SOX5: variants seen among roughly 807,000 people sequenced by gnomAD.
The protein encoded by SOX5 is transcription factor SOX-5.
A neutral mutation model predicts 92.0 loss-of-function variants in SOX5; 9 were observed. The ratio of observed to expected loss-of-function variants is 0.10; its 90% CI spans 0.06 to 0.17. The LOEUF (loss-of-function observed/expected upper bound fraction) is 0.17. SOX5 is among the 10% of genes least tolerant of loss of function. The pLI is 1.00. For synonymous variants in SOX5, 344 were observed against 336.3 expected (o/e 1.02, Z -0.25); for missense variants, 642 against 944.5 (o/e 0.68, Z 4.20).
In SOX5 at chr12:24,362,821, A is replaced by G. The variant is rs552937251; in HGVS notation, c.-174+5742T>C. Among the ~76,000 whole-genome samples the G allele has an allele frequency of 9.3e-5, 14 of 150,872 alleles. No homozygotes were observed. The South Asian group carries it at 2.5e-3, about 27-fold the overall frequency. ...TTCAGGGATTTTTCTCTCAAATTCTATAGGATCTCAGAAAGAAAATCACAG... is the reference window on the plus strand; with the variant it reads ...TTCAGGGATTTTTCTCTCAAATTCTGTAGGATCTCAGAAAGAAAATCACAG... On this transcript the variant is annotated intron_variant, in intron 2 of 4. Transcript: ENST00000446891.
At chr12:23,792,647 A>AC (rs2095495884) in intron 3 of SOX5, among the ~76,000 whole-genome samples, 2 of 134,482 alleles carry the variant, frequency 1.5e-5, no homozygotes, top group Admixed American at 7.2e-5. Flanking sequence ...AAAAAAAAAA[A>AC]AAAAAAAAAA....
chr12:24,204,308 C>T (rs1957810973), intron 4 of SOX5, among the ~76,000 whole-genome samples: 1 of 148,338 alleles, frequency 6.7e-6, no homozygotes, highest in Non-Finnish European at 1.5e-5. Flanking sequence ...TTTATTTTTC[C>T]ATTATTATTA....
At chr12:24,493,901 A>G (rs529204439) in intron 1 of SOX5, among the ~76,000 whole-genome samples, 17 of 152,250 alleles carry the variant, frequency 1.1e-4, no homozygotes, top group African/African-American at 3.9e-4. Flanking sequence ...AAAAGTCAGT[A>G]TAGTGTTTAT....
intron 2 of SOX5, among the ~76,000 whole-genome samples, chr12:23,870,304 G>A (rs1311860028): frequency 2.6e-5 from 4 of 152,078 alleles, no homozygotes; most frequent in African/African-American, 9.7e-5. Context: ...ACACAGTATT[G>A]AGAAACCATC....
Position 24,313,180 on chromosome 12 carries a change from T to C in SOX5, c.-173-35868A>G, listed in dbSNP as rs187743984. On this transcript the variant is annotated intron_variant, in intron 2 of 4. Coordinates refer to the SOX5 transcript ENST00000446891. ...AGGGTCCCAGATCCTCTAACAAACCTCTACTTAAATGATCTAGCTCAAATA... is the reference window on the plus strand; with the variant it reads ...AGGGTCCCAGATCCTCTAACAAACCCCTACTTAAATGATCTAGCTCAAATA... 7.1e-4 allele frequency among the ~76,000 whole-genome samples: 108 copies of C among 152,256 alleles called. 2 individuals are homozygous for C. The highest frequency in any genetic ancestry group is 2.4e-3 in the African/African-American group (99 of 41,552).
chr12:24,037,690 T>C (rs1956177596), intron 4 of SOX5, among the ~76,000 whole-genome samples: 1 of 152,188 alleles, frequency 6.6e-6, no homozygotes, highest in African/African-American at 2.4e-5. Flanking sequence ...AAGTTAAATA[T>C]AAAATTTTAG....
At chr12:23,874,503 G>C (rs2096906666) in intron 2 of SOX5, among the ~76,000 whole-genome samples, 2 of 152,056 alleles carry the variant, frequency 1.3e-5, no homozygotes, top group Non-Finnish European at 2.9e-5. Flanking sequence ...AAAGGAAAGG[G>C]GAGAGAAAAT....
At chr12:23,854,658 C>T (rs1024746568) in intron 2 of SOX5, among the ~76,000 whole-genome samples, 1 of 152,040 alleles carries the variant, frequency 6.6e-6, no homozygotes, top group Non-Finnish European at 1.5e-5. Context: ...GTTTTGAACA[C>T]TAACTTGCAG....
chr12:23,939,351 G>T (rs1943190150), intron 1 of SOX5, among the ~76,000 whole-genome samples: 4 of 150,806 alleles, frequency 2.7e-5, no homozygotes, highest in Admixed American at 2.6e-4. Flanking sequence ...ATGTAGTGCT[G>T]GTTCAGTGAG....
chr12:24,183,122 A>G (rs1408033605), intron 4 of SOX5, among the ~76,000 whole-genome samples: 1 of 152,220 alleles, frequency 6.6e-6, no homozygotes, highest in East Asian at 1.9e-4. Context: ...TTCTAGTACC[A>G]AATACAAGAC....
intron 1 of SOX5, among the ~76,000 whole-genome samples, chr12:24,512,423 C>T (rs536092378): frequency 2.0e-5 from 3 of 152,356 alleles, no homozygotes; most frequent in Admixed American, 2.0e-4. Context: ...ACAACTGCCT[C>T]TTATTTTATT....
At chr12:24,030,217 T>C (rs1047899597) in intron 4 of SOX5, among the ~76,000 whole-genome samples, 1 of 151,842 alleles carries the variant, frequency 6.6e-6, no homozygotes, top group Non-Finnish European at 1.5e-5. Context: ...AAAAATACTC[T>C]CCTCTAACCT....
chr12:23,765,018 G>A (rs997853729), intron 3 of SOX5, among the ~76,000 whole-genome samples: 1 of 151,986 alleles, frequency 6.6e-6, no homozygotes, highest in African/African-American at 2.4e-5. Context: ...TCGACTAGTT[G>A]AGCTGAAAAG....
At chr12:23,540,166 T>G (rs1354935620) in intron 13 of SOX5, among the ~76,000 whole-genome samples, 2 of 151,560 alleles carry the variant, frequency 1.3e-5, no homozygotes, top group African/African-American at 2.4e-5. Context: ...TGGACTGATG[T>G]ACAGGGAGTT....
At position 24,007,800 on chromosome 12, in the gene SOX5, C is replaced by T. The variant is rs1257058921; in HGVS notation, c.-1-111776G>A. On this transcript the variant is annotated intron_variant, in intron 4 of 4. Coordinates refer to the SOX5 transcript ENST00000446891. ...ATATATACACATACGCACGCACACA[C>T]ACACACACACACACACACACACATA... Among the ~76,000 whole-genome samples, 3 of 10,512 alleles carry T rather than the reference C, an allele frequency of 2.9e-4. 1 individual carries two copies. Among genetic ancestry groups the T allele is most frequent in the African/African-American group, 3.7e-4 (3 of 8,036 alleles). The allele number at this position is 10,512 out of a possible 152,430, so 6.9% of individuals were successfully genotyped here.
chr12:24,310,083 G>A (rs754938414), intron 2 of SOX5, among the ~76,000 whole-genome samples: 16 of 152,076 alleles, frequency 1.1e-4, no homozygotes, highest in Non-Finnish European at 1.6e-4. Context: ...TCATATCTGC[G>A]TGAGGATGTT....
intron 4 of SOX5, among the ~76,000 whole-genome samples, chr12:23,984,054 TCTC>T (rs1461557950): frequency 1.3e-5 from 2 of 152,112 alleles, no homozygotes; most frequent in African/African-American, 4.8e-5. Flanking sequence ...AAGGCCAACC[TCTC>T]CTCCTTTGAT....
chr12:23,995,970 A>T (rs1950994637), intron 4 of SOX5, among the ~76,000 whole-genome samples: 1 of 152,222 alleles, frequency 6.6e-6, no homozygotes, highest in African/African-American at 2.4e-5. Context: ...ATTATGGAAT[A>T]TAAGCCTATG....
chr12:23,530,393 G>A lies in SOX5; in HGVS notation c.*3826C>T, dbSNP rs1051165398. 2.0e-5 allele frequency: 3 copies of A among 152,164 alleles called. No homozygotes were observed. The highest frequency in any genetic ancestry group is 4.4e-5 in the Non-Finnish European group (3 of 68,030). The allele number at this position is 152,164 out of a possible 1,614,324, so 9.4% of individuals were successfully genotyped here. ...CCAAAAAATGGTTAATTTTCTTTAAGTGAATTAAGGTAAAATTCTACTCCG... is the reference window on the plus strand; with the variant it reads ...CCAAAAAATGGTTAATTTTCTTTAAATGAATTAAGGTAAAATTCTACTCCG... On this transcript the variant is annotated 3_prime_UTR_variant, in exon 15 of 15. Transcript: ENST00000451604.
Sources: gnomAD v4.1 joint callset for allele counts (sites outside exome capture counted in the v4.1 genomes callset) on GRCh38, gnomAD v4.1.1 for gene constraint, MANE v1.5 for transcripts, NCBI Gene and HGNC (gene_info 2026-07-23, HGNC 2026-07-21) for gene names.